LRPPRC: variants seen among roughly 807,000 people sequenced by gnomAD.
LRPPRC encodes leucine rich pentatricopeptide repeat containing, also known as leucine-rich PPR motif-containing protein, mitochondrial.
A neutral mutation model predicts 180.3 loss-of-function variants in LRPPRC; 120 were observed. That is an observed-to-expected ratio of 0.67 (90% confidence interval 0.57 to 0.77). The LOEUF (loss-of-function observed/expected upper bound fraction) is 0.77. Ranked by LOEUF, LRPPRC falls within the 30% of genes least tolerant of loss-of-function variation. The pLI is 0.00. For synonymous variants in LRPPRC, 723 were observed against 600.0 expected, an observed-to-expected ratio of 1.21 and a Z score of -3.00; for missense variants, 2,012 against 1,657.2, an observed-to-expected ratio of 1.21 and a Z score of -3.72.
intron 17 of LRPPRC, 46 bp downstream of exon 17, chr2:43,948,366 C>T (rs1337130905): frequency 2.6e-6 from 3 of 1,159,482 alleles, no homozygotes; most frequent in Admixed American, 3.4e-5. Context: ...CTAATAGATA[C>T]ATGTCAGGCA....
chr2:43,940,994 T>C (rs554832708), intron 23 of LRPPRC, among the ~76,000 whole-genome samples: 3 of 152,308 alleles, frequency 2.0e-5, no homozygotes, highest in African/African-American at 4.8e-5. Flanking sequence ...AAAAATTTTG[T>C]TCAACTGCAA....
chr2:43,906,575 C>T (rs992007616), intron 30 of LRPPRC, among the ~76,000 whole-genome samples: 1 of 152,130 alleles, frequency 6.6e-6, no homozygotes, highest in Non-Finnish European at 1.5e-5. Context: ...CTTAATGCTC[C>T]CAGAGTTCAT....
intron 27 of LRPPRC, among the ~76,000 whole-genome samples, chr2:43,924,070 GTTTAAT>G (rs1041271535): frequency 5.9e-5 from 9 of 152,080 alleles, no homozygotes; most frequent in African/African-American, 1.7e-4. Context: ...TTTTAAGCAA[GTTTAAT>G]TTTATTTACA....
chr2:43,956,144 A>T (rs1405857062), intron 14 of LRPPRC, among the ~76,000 whole-genome samples: 2 of 152,168 alleles, frequency 1.3e-5, no homozygotes, highest in Admixed American at 1.3e-4. Context: ...AAACAAAACA[A>T]AACAAAAACC....
Position 43,975,121 on chromosome 2 carries a change from A to G in LRPPRC, c.834T>C (p.Ala278=), listed in dbSNP as rs2103717036. 1 of 1,613,540 alleles carries G rather than the reference A, an allele frequency of 6.2e-7. No homozygotes were observed. The highest frequency in any genetic ancestry group is 8.5e-7 in the Non-Finnish European group (1 of 1,179,830). ...TAACATGGTCAATGTCGCCCTTCTC[A>G]GCATATGCATTCAATAATGCGAGGT... ...DTYLALLNAY[A]EKGDIDHVKQ... Residue 278 remains alanine (A), a synonymous_variant, in exon 7 of 38, where the codon GCT becomes GCC. Transcript: ENST00000260665.
Position 43,976,710 on chromosome 2 carries a change from A to T in LRPPRC, c.650+284T>A, listed in dbSNP as rs1034318377. The stretch of plus-strand genomic sequence containing the variant: ...AGAACATTTCCCTTAGGAAATATTT[A>T]AAAAAAAAAAAAAAAAAGCAAAGTC... On this transcript the variant is annotated intron_variant, in intron 5 of 37. Coordinates refer to ENST00000260665, the MANE Select transcript of LRPPRC (RefSeq NM_133259.4). Among the ~76,000 whole-genome samples the T allele has an allele frequency of 6.4e-5, 9 of 140,162 alleles. No homozygotes were observed. The South Asian group carries it at 1.2e-3, about 18-fold the overall frequency. 92.0% of individuals were successfully genotyped at this position (140,162 alleles called of 152,430 possible). A position where few individuals can be genotyped will look rare whatever the true frequency, so the allele number is the denominator to read the frequency against.
intron 14 of LRPPRC, among the ~76,000 whole-genome samples, chr2:43,952,151 C>A (rs1467562835): frequency 6.6e-6 from 1 of 152,080 alleles, no homozygotes; most frequent in Non-Finnish European, 1.5e-5. Context: ...CAAGATCGCG[C>A]CACTGCACTC....
intron 1 of LRPPRC, among the ~76,000 whole-genome samples, chr2:43,986,987 G>A (rs1240630004): frequency 2.6e-5 from 4 of 152,110 alleles, no homozygotes; most frequent in African/African-American, 9.7e-5. Context: ...TATCTCCTAC[G>A]TTTTCACCAA....
At chr2:43,978,581 G>C (rs1209548690) in intron 3 of LRPPRC, among the ~76,000 whole-genome samples, 3 of 151,948 alleles carry the variant, frequency 2.0e-5, no homozygotes, top group Non-Finnish European at 4.4e-5. Context: ...AATTTTTAGA[G>C]ATTCAATATT....
At position 43,905,735 on chromosome 2, in the gene LRPPRC, G is replaced by A. The variant is rs780316439; in HGVS notation, c.3321C>T (p.Asn1107=). ...TAACTTGCGTTATGATGAGGCGGCT[G>A]TTGGCAGCATCGTTCAGTGTGAAGC... is the stretch of plus-strand genomic sequence containing the variant. ...IKGFTLNDAA[N]SRLIITQVRR... The change falls in exon 31 of 38, where the codon AAC becomes AAT. Residue 1107 remains asparagine, a synonymous_variant. Transcript: ENST00000260665. 1.2e-6 allele frequency: 2 copies of A among 1,614,058 alleles called. No homozygotes were observed. Among genetic ancestry groups the A allele is most frequent in the Non-Finnish European group, 1.7e-6 (2 of 1,179,890 alleles).
chr2:43,924,784 C>A (rs915338524), intron 27 of LRPPRC, among the ~76,000 whole-genome samples: 1 of 152,064 alleles, frequency 6.6e-6, no homozygotes, highest in Non-Finnish European at 1.5e-5. Flanking sequence ...ACAGAAAGAC[C>A]GTTCTTACCT....
At chr2:43,938,361 A>G (rs1672350296) in intron 23 of LRPPRC, among the ~76,000 whole-genome samples, 1 of 152,192 alleles carries the variant, frequency 6.6e-6, no homozygotes, top group African/African-American at 2.4e-5. Flanking sequence ...AAATAAAGGT[A>G]AAATTGAGGA....
At chr2:43,895,726 A>G (rs1416032078) in intron 35 of LRPPRC, among the ~76,000 whole-genome samples, 2 of 152,230 alleles carry the variant, frequency 1.3e-5, no homozygotes, top group Non-Finnish European at 2.9e-5. Flanking sequence ...CAAACTGGAC[A>G]CAGCCTAAAT....
chr2:43,957,898 T>C (rs1356638557), intron 13 of LRPPRC, among the ~76,000 whole-genome samples: 1 of 152,216 alleles, frequency 6.6e-6, no homozygotes, highest in Non-Finnish European at 1.5e-5. Flanking sequence ...GAACCATTCA[T>C]ACTTTCTCAT....
intron 23 of LRPPRC, among the ~76,000 whole-genome samples, chr2:43,939,973 G>A (rs1301140257): frequency 6.6e-6 from 1 of 152,162 alleles, no homozygotes; most frequent in Admixed American, 6.5e-5. Flanking sequence ...AGGCTCAACA[G>A]GATTTTCTGA....
intron 3 of LRPPRC, 22 bp downstream of exon 3, chr2:43,979,804 T>C (rs775675925): frequency 2.5e-6 from 4 of 1,608,758 alleles, no homozygotes; most frequent in Middle Eastern, 1.7e-4. Context: ...TTTATACACA[T>C]CATATATTTA....
chr2:43,982,534 T>A, intron 1 of LRPPRC, 100 bp from the exon 2 acceptor site: 1 of 868,114 alleles, frequency 1.2e-6, no homozygotes, highest in South Asian at 1.5e-5. Context: ...ATTAAACACC[T>A]AAAATCACAG....
At position 43,949,612 on chromosome 2, in the gene LRPPRC, T is replaced by C. The variant is rs1438672948; in HGVS notation, c.1725A>G (p.Arg575=). Residue 575 remains arginine (R), a synonymous_variant, in exon 16 of 38, where the codon CGA becomes CGG. Coordinates refer to ENST00000260665, the MANE Select transcript of LRPPRC (RefSeq NM_133259.4). ...AAATTGAAACGCTACCCGTCGGTCC[T>C]CGAGGCTCCTGGCAATAACGTCCAT... ...YKDGRYCQEP[R]GPTEAVGYFL... 1.2e-6 allele frequency: 2 copies of C among 1,613,950 alleles called. No individual in the cohort carries two copies. The highest frequency in any genetic ancestry group is 2.2e-5 in the East Asian group (1 of 44,872).
Position 43,901,482 on chromosome 2 carries a change from G to T in LRPPRC, c.3407C>A (p.Thr1136Asn). The T allele has an allele frequency of 4.3e-6, 7 of 1,613,962 alleles. No homozygotes were observed. The highest frequency in any genetic ancestry group is 1.6e-4 in the Middle Eastern group (1 of 6,062). Residue 1136 changes from threonine to asparagine, a missense_variant, in exon 32 of 38, where the codon ACC becomes AAC. Coordinates refer to ENST00000260665, the MANE Select transcript of LRPPRC (RefSeq NM_133259.4). ...TLKTVLDQQQ[T>N]PSRLAVTRVI... is the part of the protein sequence containing the mutation. ...ACGGGTCACTGCTAACCTAGAAGGG[G>T]TCTGCTGCTGATCCAATACTGTTTT...
Sources: gnomAD v4.1 joint callset for allele counts (sites outside exome capture counted in the v4.1 genomes callset) on GRCh38, gnomAD v4.1.1 for gene constraint, MANE v1.5 for transcripts, NCBI Gene and HGNC (gene_info 2026-07-23, HGNC 2026-07-21) for gene names.